MAST2: variants seen among roughly 807,000 people sequenced by gnomAD.
MAST2 encodes the protein microtubule-associated serine/threonine-protein kinase 2.
A neutral mutation model predicts 147.4 loss-of-function variants in MAST2; 70 were observed. That is an observed-to-expected ratio of 0.47 (90% confidence interval 0.39 to 0.58). The LOEUF (loss-of-function observed/expected upper bound fraction) is 0.58. Ranked by LOEUF, MAST2 falls within the 20% of genes least tolerant of loss-of-function variation. The probability of loss-of-function intolerance (pLI) is 0.00; values close to 1 mark genes in which losing one functional copy is unlikely to be tolerated. For missense variants in MAST2, 2,080 were observed against 2,302.3 expected, an observed-to-expected ratio of 0.90 and a Z score of 1.98; for synonymous variants, 869 against 896.8, an observed-to-expected ratio of 0.97 and a Z score of 0.55.
chr1:46,010,060 C>G (rs1645649966), intron 9 of MAST2, among the ~76,000 whole-genome samples: 1 of 152,220 alleles, frequency 6.6e-6, no homozygotes, highest in African/African-American at 2.4e-5. Flanking sequence ...ACAGTCCCCC[C>G]ATTCCAACTC....
rs908880746 is a variant in MAST2, at chr1:45,900,446, A to ATTTTTTT, written c.500+18075_500+18081dup. 6.0e-4 allele frequency among the ~76,000 whole-genome samples: 6 copies of ATTTTTTT among 9,972 alleles called. 2 individuals are homozygous for ATTTTTTT. Among genetic ancestry groups the ATTTTTTT allele is most frequent in the Admixed American group, 4.7e-3 (2 of 430 alleles). The allele number at this position is 9,972 out of a possible 152,430, so 6.5% of individuals were successfully genotyped here. A position where few individuals can be genotyped will look rare whatever the true frequency, so the allele number is the denominator to read the frequency against. ...TCTCTGATGATTAGTGATGTTGGAT[A>ATTTTTTT]TTTTTTTTTTTTTTTTTTTTTTTTT... On this transcript the variant is annotated intron_variant, in intron 4 of 28. Coordinates refer to ENST00000361297, the MANE Select transcript of MAST2 (RefSeq NM_015112.3).
At chr1:46,006,580 T>A in intron 8 of MAST2, 185 bp downstream of exon 8, 1 of 424,016 alleles carries the variant, frequency 2.4e-6, no homozygotes, top group Non-Finnish European at 3.9e-6. Flanking sequence ...ACAAATAATA[T>A]ATAAACTTTA....
chr1:46,027,929 C>A, intron 17 of MAST2, 66 bp downstream of exon 17: 1 of 1,582,818 alleles, frequency 6.3e-7, no homozygotes, highest in East Asian at 2.2e-5. Flanking sequence ...CAGTGTCTTA[C>A]GCCCGTAATC....
rs1646568413 is a variant in MAST2, at chr1:46,029,849, A to T, written c.2339A>T (p.Lys780Met). 6.2e-7 allele frequency: 1 copy of T among 1,614,150 alleles called. No homozygotes were observed. The highest frequency in any genetic ancestry group is 2.2e-5 in the East Asian group (1 of 44,886). ...RLGTGSAYEV[K>M]QHPFFTGLDW... The stretch of plus-strand genomic sequence containing the variant: ...TCCACAGGCAGTGCCTATGAGGTGA[A>T]GCAGCACCCATTCTTTACTGGTCTG... The change falls in exon 20 of 29, where the codon AAG (lysine) becomes ATG (methionine). Residue 780 changes from lysine to methionine, a missense_variant. By Grantham distance (95) the Lys-to-Met change is moderately conservative (BLOSUM62 -1). Around this residue, in one of 4 missense-constraint regions of MAST2, gnomAD observed 209 missense variants for 309.5 expected, o/e 0.68. Transcript: ENST00000361297.
At chr1:45,869,848 C>T (rs1253815413) in intron 3 of MAST2, among the ~76,000 whole-genome samples, 1 of 152,182 alleles carries the variant, frequency 6.6e-6, no homozygotes, top group Non-Finnish European at 1.5e-5. Flanking sequence ...AAGACCTCCA[C>T]CTTTTTTTAG....
chr1:45,949,923 G>T (rs1160988038), intron 4 of MAST2, among the ~76,000 whole-genome samples: 3 of 152,284 alleles, frequency 2.0e-5, no homozygotes, highest in African/African-American at 7.2e-5. Flanking sequence ...CGAGAACATG[G>T]ATGGAGCTGG....
intron 4 of MAST2, among the ~76,000 whole-genome samples, chr1:45,939,980 G>GTTTTTTTTTTTTTTTTTTTTTTT (rs1174123217): frequency 4.1e-5 from 4 of 97,284 alleles, no homozygotes; most frequent in South Asian, 3.6e-4. Context: ...TTTATTTAGG[G>GTTTTTTTTTTTTTTTTTTTTTTT]TTTTTTTTTT....
chr1:45,927,247 T>G (rs1191294872), intron 4 of MAST2, among the ~76,000 whole-genome samples: 2 of 152,256 alleles, frequency 1.3e-5, no homozygotes, highest in Non-Finnish European at 2.9e-5. Flanking sequence ...TTAAAATTGC[T>G]AATGAAATTT....
intron 5 of MAST2, among the ~76,000 whole-genome samples, chr1:45,974,454 G>T (rs1409781762): frequency 1.3e-5 from 2 of 152,114 alleles, no homozygotes; most frequent in Non-Finnish European, 2.9e-5. Context: ...AAATTAGCTG[G>T]GCATGGTGTT....
chr1:46,035,277 A>G lies in MAST2; in HGVS notation c.4608A>G (p.Lys1536=), dbSNP rs778202063. The G allele has an allele frequency of 1.2e-6, 2 of 1,613,958 alleles. No individual in the cohort carries two copies. Among genetic ancestry groups the G allele is most frequent in the African/African-American group, 1.3e-5 (1 of 75,012 alleles). ...AAGTGAGCCAGAGTGTGGCCCCTAA[A>G]GGAGCAGGAGAGAGTGGGGAAGAGG... ...HPEVSQSVAP[K]GAGESGEEDP... is the part of the protein sequence containing the mutation. The change falls in exon 29 of 29, where the codon AAA becomes AAG. Residue 1536 remains lysine, a synonymous_variant. Coordinates refer to ENST00000361297, the MANE Select transcript of MAST2 (RefSeq NM_015112.3). This position sits in a 1 kb window ranked among gnomAD's most constrained non-coding sequence, Gnocchi z 5.5.
intron 3 of MAST2, among the ~76,000 whole-genome samples, chr1:45,878,098 G>A (rs1292245415): frequency 6.6e-6 from 1 of 151,806 alleles, no homozygotes; most frequent in East Asian, 1.9e-4. Context: ...CAGTTACTTG[G>A]GAGGCTGAGG....
intron 3 of MAST2, among the ~76,000 whole-genome samples, chr1:45,873,420 A>G (rs1437585406): frequency 6.6e-6 from 1 of 151,050 alleles, no homozygotes; most frequent in Non-Finnish European, 1.5e-5. Flanking sequence ...CTGGTCTTGA[A>G]CTCCTGAGCT....
At chr1:45,916,058 T>C (rs1652453331) in intron 4 of MAST2, among the ~76,000 whole-genome samples, 1 of 152,232 alleles carries the variant, frequency 6.6e-6, no homozygotes, top group African/African-American at 2.4e-5. Context: ...AATAGTTGTG[T>C]GCCCTCCTAT....
chr1:45,913,591 C>T, intron 4 of MAST2: 1 of 992,838 alleles, frequency 1.0e-6, no homozygotes, highest in Non-Finnish European at 1.2e-6. Flanking sequence ...ACAGCTGATT[C>T]ATTTGGGATC....
At chr1:45,874,656 TTATTCATCCAG>T (rs1349857271) in intron 3 of MAST2, among the ~76,000 whole-genome samples, 4 of 152,228 alleles carry the variant, frequency 2.6e-5, no homozygotes, top group Non-Finnish European at 5.9e-5. Context: ...ATTCATAGAT[TTATTCATCCAG>T]TATTCATTTG....
intron 2 of MAST2, among the ~76,000 whole-genome samples, chr1:45,824,953 AG>A (rs530022727): frequency 6.6e-6 from 1 of 152,218 alleles, no homozygotes; most frequent in Non-Finnish European, 1.5e-5. Flanking sequence ...TAAAAAATTC[AG>A]GGGGAAAAAA....
At position 46,032,377 on chromosome 1, in the gene MAST2, T is replaced by C. The variant is rs377713142; in HGVS notation, c.3387T>C (p.Asp1129=). 5.6e-6 allele frequency: 9 copies of C among 1,613,518 alleles called. No individual in the cohort carries two copies. Among genetic ancestry groups the C allele is most frequent in the East Asian group, 2.2e-5 (1 of 44,816 alleles). The change falls in exon 25 of 29, where the codon GAT becomes GAC. Residue 1129 remains aspartate, a synonymous_variant. Coordinates refer to ENST00000361297, the MANE Select transcript of MAST2 (RefSeq NM_015112.3). ...TTCGCGTCTACATGGGTGACTCCGA[T>C]GTCTACACCGTGCACCATATGGTGT... ...RAIRVYMGDS[D]VYTVHHMVWH...
chr1:45,839,100 A>G lies in MAST2; in HGVS notation c.468+9519A>G, dbSNP rs1015719506. Among the ~76,000 whole-genome samples, 11 of 150,544 alleles carry G rather than the reference A, an allele frequency of 7.3e-5. No individual in the cohort carries two copies. In the South Asian group the frequency reaches 1.7e-3, roughly 23 times the overall value. On this transcript the variant is annotated intron_variant, in intron 3 of 28. Transcript: ENST00000361297. ...GTGATCCTCCCATGTCAGCCTCCCA[A>G]GTGGCTGGGACTACAGGCACCATCA...
chr1:45,911,416 GTA>G (rs2148574038), intron 4 of MAST2, among the ~76,000 whole-genome samples: 1 of 152,296 alleles, frequency 6.6e-6, no homozygotes, highest in South Asian at 2.1e-4. Flanking sequence ...CACCCAAGGA[GTA>G]CTGCTCTGCA....
Sources: gnomAD v4.1 joint callset for allele counts (sites outside exome capture counted in the v4.1 genomes callset) on GRCh38, gnomAD v4.1.1 for gene constraint, gnomAD v4.1.1 regional missense constraint, Gnocchi (gnomAD v3.1) non-coding constraint, MANE v1.5 for transcripts, NCBI Gene and HGNC (gene_info 2026-07-23, HGNC 2026-07-21) for gene names.